Variants in B3GALT1 observed in about 807,000 individuals in gnomAD.
B3GALT1 encodes the protein UDP-Gal:betaGlcNAc beta 1,3-galactosyltransferase, polypeptide 1.
In B3GALT1, 10 loss-of-function variants were observed where a neutral mutation model predicts 23.2. That is an observed-to-expected ratio of 0.43 (90% confidence interval 0.27 to 0.73). The LOEUF (loss-of-function observed/expected upper bound fraction) is 0.73, where lower values mean the gene tolerates loss of function less well. Ranked by LOEUF, B3GALT1 falls within the 30% of genes least tolerant of loss-of-function variation. The pLI is 0.21. For synonymous variants in B3GALT1, 156 were observed against 141.5 expected, an observed-to-expected ratio of 1.10 and a Z score of -0.73; for missense variants, 299 against 405.4, an observed-to-expected ratio of 0.74 and a Z score of 2.25.
At position 167,691,256 on chromosome 2, in the gene B3GALT1, A is replaced by G. The variant is rs904972822; in HGVS notation, c.-352+44290A>G. Among the ~76,000 whole-genome samples the G allele has an allele frequency of 2.0e-5, 3 of 152,202 alleles. No homozygotes were observed. The South Asian group carries it at 6.2e-4, about 32-fold the overall frequency. On this transcript the variant is annotated intron_variant, in intron 3 of 4. Coordinates refer to ENST00000392690, the MANE Select transcript of B3GALT1 (RefSeq NM_020981.4). The stretch of plus-strand genomic sequence containing the variant: ...TCTGTATGCATATGACCTTTGCTTC[A>G]AAGTGTATTTAATTTAAACTGGCTT...
intron 3 of B3GALT1, among the ~76,000 whole-genome samples, chr2:167,678,256 T>C (rs1172135696): frequency 6.6e-6 from 1 of 152,214 alleles, no homozygotes; most frequent in African/African-American, 2.4e-5. Flanking sequence ...GATAGATAGT[T>C]TCCACTGTAC....
chr2:167,689,089 A>G (rs1686666388), intron 3 of B3GALT1, among the ~76,000 whole-genome samples: 1 of 151,882 alleles, frequency 6.6e-6, no homozygotes, highest in Admixed American at 6.6e-5. Flanking sequence ...GAAAATAAAA[A>G]CAAAATCATC....
chr2:167,672,737 A>C (rs565167397), intron 3 of B3GALT1, among the ~76,000 whole-genome samples: 67 of 152,286 alleles, frequency 4.4e-4, no homozygotes, highest in African/African-American at 1.6e-3. Context: ...CCTGGTACAT[A>C]GTAAGTGCTG....
At chr2:167,741,051 C>G (rs939749119) in intron 3 of B3GALT1, among the ~76,000 whole-genome samples, 4 of 152,184 alleles carry the variant, frequency 2.6e-5, no homozygotes, top group African/African-American at 9.7e-5. Context: ...AGCTTCCTTG[C>G]TTTTCTGAGA....
intron 4 of B3GALT1, among the ~76,000 whole-genome samples, chr2:167,866,857 A>G (rs574819262): frequency 9.8e-5 from 15 of 152,358 alleles, no homozygotes; most frequent in Admixed American, 4.6e-4. Context: ...TTTGCTTTCT[A>G]GTACCATCTT....
chr2:167,499,722 A>G (rs1730724), intron 2 of B3GALT1, among the ~76,000 whole-genome samples: 7,233 of 152,150 alleles, frequency 0.048, 574 homozygotes, highest in African/African-American at 0.17. Flanking sequence ...TATGCTTGAT[A>G]CAAGCAGAGT....
chr2:167,583,856 C>T (rs1684534555), intron 2 of B3GALT1, among the ~76,000 whole-genome samples: 1 of 152,152 alleles, frequency 6.6e-6, no homozygotes, highest in African/African-American at 2.4e-5. Context: ...ACCCAGGCTG[C>T]AAGCTCCACA....
At chr2:167,793,180 C>G (rs1013622801) in intron 3 of B3GALT1, among the ~76,000 whole-genome samples, 1 of 152,144 alleles carries the variant, frequency 6.6e-6, no homozygotes, top group African/African-American at 2.4e-5. Context: ...CCATGCTGCT[C>G]GCAGGCACAG....
At chr2:167,778,907 G>A (rs1166977854) in intron 3 of B3GALT1, among the ~76,000 whole-genome samples, 4 of 152,180 alleles carry the variant, frequency 2.6e-5, no homozygotes, top group Admixed American at 2.0e-4. Flanking sequence ...CATTGGAAAG[G>A]TTAAGATACA....
At chr2:167,735,793 T>C (rs1324103971) in intron 3 of B3GALT1, among the ~76,000 whole-genome samples, 3 of 152,144 alleles carry the variant, frequency 2.0e-5, no homozygotes, top group African/African-American at 7.2e-5. Flanking sequence ...AATAAACATT[T>C]TTAAAAGATA....
At chr2:167,638,988 C>T (rs1685607568) in intron 2 of B3GALT1, among the ~76,000 whole-genome samples, 2 of 151,912 alleles carry the variant, frequency 1.3e-5, no homozygotes, top group African/African-American at 2.4e-5. Flanking sequence ...ATTCCATTGG[C>T]CTGCCTATGA....
intron 1 of B3GALT1, among the ~76,000 whole-genome samples, chr2:167,365,904 G>A (rs2250619): frequency 0.84 from 128,188 of 152,130 alleles, 54,799 homozygotes; most frequent in East Asian, 0.94. Context: ...CTTAATTTAT[G>A]TGGAAGGAAA....
intron 3 of B3GALT1, among the ~76,000 whole-genome samples, chr2:167,729,335 A>G (rs1347083551): frequency 6.6e-6 from 1 of 152,218 alleles, no homozygotes; most frequent in Non-Finnish European, 1.5e-5. Context: ...CCTGAATGGC[A>G]CACTCATTAC....
chr2:167,407,181 CAA>C (rs1698295723), intron 1 of B3GALT1, among the ~76,000 whole-genome samples: 1 of 152,020 alleles, frequency 6.6e-6, no homozygotes. Flanking sequence ...AAATCAATAA[CAA>C]GAGAAACCTC....
intron 1 of B3GALT1, among the ~76,000 whole-genome samples, chr2:167,294,502 C>T (rs949583778): frequency 6.6e-6 from 1 of 152,244 alleles, no homozygotes; most frequent in Admixed American, 6.5e-5. Context: ...TCCGAATCTC[C>T]GTAGTTCAGT....
In B3GALT1 at chr2:167,404,752, G is replaced by T. The variant is rs145821498; in HGVS notation, c.-510-85425G>T. ...TAGATTTCAAATGCTTTGGTAATTT[G>T]TACTGTGCTTAAATAAAGCACATCC... is the stretch of plus-strand genomic sequence containing the variant. On this transcript the variant is annotated intron_variant, in intron 1 of 4. Transcript: ENST00000392690. Among the ~76,000 whole-genome samples the T allele has an allele frequency of 1.3e-3, 191 of 152,232 alleles. 3 individuals are homozygous for T. The highest frequency in any genetic ancestry group is 4.3e-3 in the African/African-American group (179 of 41,540).
At chr2:167,411,224 T>TAACAACAACAACAAC (rs141653413) in intron 1 of B3GALT1, among the ~76,000 whole-genome samples, 1 of 150,618 alleles carries the variant, frequency 6.6e-6, no homozygotes, top group Non-Finnish European at 1.5e-5. Context: ...ATCTTCTGTA[T>TAACAACAACAACAAC]AACAACAACA....
intron 3 of B3GALT1, among the ~76,000 whole-genome samples, chr2:167,778,232 A>C (rs996847569): frequency 1.3e-5 from 2 of 152,052 alleles, no homozygotes; most frequent in Non-Finnish European, 2.9e-5. Flanking sequence ...TTGGTTAATC[A>C]CTTTCTTCAC....
chr2:167,444,442 G>C (rs112630939), intron 1 of B3GALT1, among the ~76,000 whole-genome samples: 1 of 152,168 alleles, frequency 6.6e-6, no homozygotes, highest in Non-Finnish European at 1.5e-5. Flanking sequence ...AGAAGGAATG[G>C]TACCAGCTCC....
Sources: allele counts gnomAD v4.1 joint callset (sites outside exome capture counted in the v4.1 genomes callset), GRCh38; gene constraint gnomAD v4.1.1; transcripts MANE v1.5; gene names NCBI Gene and HGNC (gene_info 2026-07-23, HGNC 2026-07-21).